Variants in KCNT2 observed in about 807,000 individuals in gnomAD.
The protein encoded by KCNT2 is potassium channel subfamily T member 2.
KCNT2 carries 67 observed loss-of-function variants against 153.8 expected under a neutral mutation model. The ratio of observed to expected loss-of-function variants is 0.44; its 90% CI spans 0.36 to 0.53. The LOEUF is 0.53. Among genes scored for constraint, KCNT2 ranks in the 20% least tolerant of loss-of-function variants. The pLI is 0.00. For synonymous variants in KCNT2, 500 were observed against 458.8 expected (o/e 1.09, Z -1.15); for missense variants, 975 against 1,354.8 (o/e 0.72, Z 4.40).
rs1016768914 is a variant in KCNT2 at position 196,423,189 on chromosome 1, T to C, written c.1122-76A>G. The C allele has an allele frequency of 3.0e-5, 29 of 959,064 alleles. No homozygotes were observed. The African/African-American group carries it at 4.3e-4, about 14-fold the overall frequency. The allele number at this position is 959,064 out of a possible 1,614,324, so 59.4% of individuals were successfully genotyped here. A position where few individuals can be genotyped will look rare whatever the true frequency, so the allele number is the denominator to read the frequency against. ...TTTTCTGAAAAATAGAATTTCAGTC[T>C]TGAGTCCATATATTGCACAAAATGT... is the stretch of plus-strand genomic sequence containing the variant. On this transcript the variant is annotated intron_variant, in intron 11 of 27. Transcript: ENST00000294725.
intron 1 of KCNT2, among the ~76,000 whole-genome samples, chr1:196,515,780 A>C (rs532989168): frequency 6.6e-6 from 1 of 152,266 alleles, no homozygotes; most frequent in African/African-American, 2.4e-5. Context: ...ACCCAAGGAG[A>C]TTAGAGAAAA....
At chr1:196,361,184 G>A (rs998650640) in intron 14 of KCNT2, among the ~76,000 whole-genome samples, 3 of 151,540 alleles carry the variant, frequency 2.0e-5, no homozygotes, top group Non-Finnish European at 4.4e-5. Context: ...CACAAGCAAC[G>A]CCCTCTCCAA....
chr1:196,251,216 G>A (rs1407551000), intron 26 of KCNT2, among the ~76,000 whole-genome samples: 2 of 152,114 alleles, frequency 1.3e-5, no homozygotes, highest in Non-Finnish European at 2.9e-5. Flanking sequence ...GTTTCATCAA[G>A]AGATGGATGG....
rs1175276954 is a variant in KCNT2, at chr1:196,297,853, T to C, written c.2595+7381A>G. Among the ~76,000 whole-genome samples, 6 of 152,266 alleles carry C rather than the reference T, an allele frequency of 3.9e-5. No individual in the cohort carries two copies. In the East Asian group the frequency reaches 1.2e-3, roughly 29 times the overall value. ...GACAATGTGCTTTTGTTTGTTTTCA[T>C]ATATCTGTGTCACCCATCATATTAT... On this transcript the variant is annotated intron_variant, in intron 22 of 27. Transcript: ENST00000294725.
intron 16 of KCNT2, among the ~76,000 whole-genome samples, chr1:196,335,562 A>G (rs1489595290): frequency 6.6e-6 from 1 of 152,174 alleles, no homozygotes; most frequent in African/African-American, 2.4e-5. Context: ...TGGGACCACC[A>G]TTGTATATGC....
chr1:196,283,832 GGTAA>G (rs1471756254), intron 23 of KCNT2, among the ~76,000 whole-genome samples: 2 of 151,980 alleles, frequency 1.3e-5, no homozygotes, highest in Non-Finnish European at 2.9e-5. Flanking sequence ...GAGCAGAAAG[GGTAA>G]GTGTTGTTAA....
At chr1:196,565,531 C>T (rs1455832636) in intron 1 of KCNT2, among the ~76,000 whole-genome samples, 5 of 151,326 alleles carry the variant, frequency 3.3e-5, no homozygotes, top group Non-Finnish European at 3.0e-5. Flanking sequence ...ATGGAATCCA[C>T]CTAGGTGTCC....
chr1:196,459,108 G>GA (rs570197029), intron 8 of KCNT2, among the ~76,000 whole-genome samples: 119 of 151,148 alleles, frequency 7.9e-4, no homozygotes, highest in African/African-American at 2.7e-3. Flanking sequence ...TTTTCTAGGG[G>GA]ATTTTTTTTT....
At chr1:196,545,090 T>A (rs1260645579) in intron 1 of KCNT2, among the ~76,000 whole-genome samples, 2 of 152,238 alleles carry the variant, frequency 1.3e-5, no homozygotes, top group East Asian at 3.9e-4. Context: ...AATATTTGGA[T>A]AATACTCAAT....
At chr1:196,233,739 C>A (rs574772489) in intron 27 of KCNT2, among the ~76,000 whole-genome samples, 1 of 151,458 alleles carries the variant, frequency 6.6e-6, no homozygotes, top group Admixed American at 6.6e-5. Flanking sequence ...TTTGCAGCAA[C>A]ATAGTCAGTG....
In KCNT2 at chr1:196,383,307, A is replaced by G. The variant is rs926186637; in HGVS notation, c.1295-10059T>C. On this transcript the variant is annotated intron_variant, in intron 13 of 27. Coordinates refer to ENST00000294725, the MANE Select transcript of KCNT2 (RefSeq NM_198503.5). ...CTATGATTTTGATATAGCCCAAACT[A>G]TGTATATGCTTAGTAGTCTATATGT... 7.9e-5 allele frequency among the ~76,000 whole-genome samples: 12 copies of G among 152,168 alleles called. 1 individual carries two copies. The highest frequency in any genetic ancestry group is 7.9e-4 in the Admixed American group (12 of 15,272).
At chr1:196,423,736 C>CAA (rs57296160) in intron 11 of KCNT2, among the ~76,000 whole-genome samples, 66,918 of 148,880 alleles carry the variant, frequency 0.45, 16,831 homozygotes, top group Middle Eastern at 0.68. Context: ...AAATATTTTC[C>CAA]AAAAAAAAAA....
intron 23 of KCNT2, among the ~76,000 whole-genome samples, chr1:196,282,643 G>A (rs1182490225): frequency 6.6e-6 from 1 of 152,036 alleles, no homozygotes; most frequent in Non-Finnish European, 1.5e-5. Context: ...AAAATTTTTA[G>A]AATTTTTAAA....
At chr1:196,559,428 G>A (rs1350860966) in intron 1 of KCNT2, among the ~76,000 whole-genome samples, 1 of 151,610 alleles carries the variant, frequency 6.6e-6, no homozygotes, top group South Asian at 2.1e-4. Context: ...GTTTTATGCT[G>A]TTATAAATGA....
chr1:196,421,386 G>A (rs1673187988), intron 12 of KCNT2, among the ~76,000 whole-genome samples: 1 of 151,876 alleles, frequency 6.6e-6, no homozygotes, highest in African/African-American at 2.4e-5. Flanking sequence ...CTGAAAAACT[G>A]AAAGTAATTT....
intron 22 of KCNT2, among the ~76,000 whole-genome samples, chr1:196,290,588 A>C (rs1660098574): frequency 6.6e-6 from 1 of 151,774 alleles, no homozygotes; most frequent in Non-Finnish European, 1.5e-5. Flanking sequence ...ATACACACAC[A>C]CACACATATA....
At position 196,363,832 on chromosome 1, in the gene KCNT2, C is replaced by T. The variant is rs567548533; in HGVS notation, c.1403+9308G>A. ...TTTACTAAGACATGTTTGCTCATTG[C>T]TACTGAGATGTCATTGCCTCTGTTC... On this transcript the variant is annotated intron_variant, in intron 14 of 27. Transcript: ENST00000294725. Among the ~76,000 whole-genome samples, 4 of 152,260 alleles carry T rather than the reference C, an allele frequency of 2.6e-5. No homozygotes were observed. The South Asian group carries it at 8.3e-4, about 32-fold the overall frequency.
rs1293497013 is a variant in KCNT2 at position 196,294,520 on chromosome 1, C to CGCCTTG, written c.2596-8768_2596-8763dup. Among the ~76,000 whole-genome samples the CGCCTTG allele has an allele frequency of 1.2e-3, 180 of 152,186 alleles. 1 individual carries two copies. The highest frequency in any genetic ancestry group is 4.2e-3 in the African/African-American group (174 of 41,544). On this transcript the variant is annotated intron_variant, in intron 22 of 27. Coordinates refer to ENST00000294725, the MANE Select transcript of KCNT2 (RefSeq NM_198503.5). ...CAATCTGCTGACCTCATGATCCACC[C>CGCCTTG]GCCTTGGCCTCTCAAAGTGCTGGGA...
At chr1:196,357,670 G>T (rs1667282233) in intron 14 of KCNT2, among the ~76,000 whole-genome samples, 1 of 151,812 alleles carries the variant, frequency 6.6e-6, no homozygotes, top group Non-Finnish European at 1.5e-5. Context: ...CCATTTTGTT[G>T]CAATGGATGG....
Sources: gnomAD v4.1 joint callset for allele counts (sites outside exome capture counted in the v4.1 genomes callset) on GRCh38, gnomAD v4.1.1 for gene constraint, MANE v1.5 for transcripts, NCBI Gene and HGNC (gene_info 2026-07-23, HGNC 2026-07-21) for gene names.